Variants in LRBA observed in about 807,000 individuals in gnomAD.
LRBA encodes the protein LPS responsive beige-like anchor protein, also known as lipopolysaccharide-responsive and beige-like anchor protein.
Under a neutral mutation model 330.0 loss-of-function variants are expected in LRBA, and 176 were observed. That is an observed-to-expected ratio of 0.53 (90% CI 0.47 to 0.60). The LOEUF (loss-of-function observed/expected upper bound fraction) is 0.60, where lower values mean the gene tolerates loss of function less well. Ranked by LOEUF, LRBA falls within the 20% of genes least tolerant of loss-of-function variation. LRBA has a pLI of 0.00. For synonymous variants in LRBA, 1,230 were observed against 1,193.0 expected, an observed-to-expected ratio of 1.03 and a Z score of -0.64; for missense variants, 3,259 against 3,444.8, an observed-to-expected ratio of 0.95 and a Z score of 1.35.
Position 150,831,920 on chromosome 4 carries a change from A to G in LRBA, c.4626T>C (p.Val1542=). ...LALAVVYFIS[V]LMVSKYRDIL... is the part of the protein sequence containing the mutation. ...TGTCTCTGTACTTGGAGACCATAAG[A>G]ACAGAGATAAAGTATACTACTGCCA... is the stretch of plus-strand genomic sequence containing the variant. Residue 1542 remains valine (V), a synonymous_variant, in exon 29 of 57, where the codon GTT becomes GTC. Coordinates refer to ENST00000651943, the MANE Select transcript of LRBA (RefSeq NM_001364905.1). 1 of 1,601,094 alleles carries G rather than the reference A, an allele frequency of 6.2e-7. No individual in the cohort carries two copies. The highest frequency in any genetic ancestry group is 8.5e-7 in the Non-Finnish European group (1 of 1,172,936).
chr4:150,545,137 G>T (rs980095876), intron 40 of LRBA, among the ~76,000 whole-genome samples: 1 of 152,086 alleles, frequency 6.6e-6, no homozygotes, highest in Non-Finnish European at 1.5e-5. Flanking sequence ...CTTTAAAAAC[G>T]ATGAAGCATT....
chr4:150,599,124 G>C lies in LRBA; in HGVS notation c.5929C>G (p.Leu1977Val). The C allele has an allele frequency of 1.2e-6, 2 of 1,614,026 alleles. No homozygotes were observed. Among genetic ancestry groups the C allele is most frequent in the Non-Finnish European group, 1.7e-6 (2 of 1,179,936 alleles). ...AWGNSAVSRP[L>V]EFWRLDYWED... is the part of the protein sequence containing the mutation. ...CAGTAGTCAAGGCGCCAGAACTCAA[G>C]AGGACGACTACAATGAAACAGAGAA... Residue 1977 changes from leucine (L) to valine (V), a missense_variant, in exon 38 of 57, where the codon CTT (leucine) becomes GTT (valine). Leu to Val is a conservative substitution (Grantham distance 32, BLOSUM62 1). Transcript: ENST00000651943.
At chr4:150,855,177 G>C (rs1392173227) in intron 22 of LRBA, among the ~76,000 whole-genome samples, 5 of 152,252 alleles carry the variant, frequency 3.3e-5, no homozygotes, top group African/African-American at 1.2e-4. Context: ...AAAATTGCTT[G>C]AACCCAACCC....
intron 52 of LRBA, among the ~76,000 whole-genome samples, chr4:150,309,572 A>T (rs1025252236): frequency 6.6e-6 from 1 of 152,162 alleles, no homozygotes; most frequent in African/African-American, 2.4e-5. Context: ...AACGTTTCTC[A>T]ATTTCTTACA....
At chr4:150,550,401 C>T (rs1766437501) in intron 40 of LRBA, among the ~76,000 whole-genome samples, 1 of 151,962 alleles carries the variant, frequency 6.6e-6, no homozygotes, top group Non-Finnish European at 1.5e-5. Flanking sequence ...AGGAAAATTA[C>T]AAAATACAGC....
chr4:150,579,457 T>C (rs964614138), intron 40 of LRBA: 3 of 397,308 alleles, frequency 7.6e-6, no homozygotes, highest in African/African-American at 4.2e-5. Flanking sequence ...TTCTAATTAG[T>C]ACCACGGCCA....
intron 47 of LRBA, among the ~76,000 whole-genome samples, chr4:150,397,282 T>C (rs748886006): frequency 5.9e-5 from 9 of 151,784 alleles, no homozygotes; most frequent in Non-Finnish European, 1.0e-4. Context: ...AAGGTATTCA[T>C]TTTTTTCTTT....
At chr4:150,669,618 T>G (rs1351644244) in intron 37 of LRBA, among the ~76,000 whole-genome samples, 2 of 151,294 alleles carry the variant, frequency 1.3e-5, no homozygotes, top group Non-Finnish European at 2.9e-5. Flanking sequence ...CAGGCTGGAG[T>G]GCAATGACAC....
At chr4:150,446,407 A>AAGACACT (rs1338156151) in intron 44 of LRBA, among the ~76,000 whole-genome samples, 1 of 152,218 alleles carries the variant, frequency 6.6e-6, no homozygotes, top group African/African-American at 2.4e-5. Context: ...AGTGCAACAG[A>AAGACACT]AGACACTCTA....
intron 48 of LRBA, among the ~76,000 whole-genome samples, chr4:150,336,133 G>C (rs1407145071): frequency 6.6e-6 from 1 of 152,082 alleles, no homozygotes; most frequent in African/African-American, 2.4e-5. Flanking sequence ...GTGTCCTGGG[G>C]GTTTGTGGTA....
rs1371813112 is a variant in LRBA, at chr4:151,002,550, AG to A, written c.216+11876del. ...ATCACACTCCAGCCTGGGCAACAAGAGTGAAACTCCATCTCTCAGAAAAAAA... is the reference window on the plus strand; with the variant it reads ...ATCACACTCCAGCCTGGGCAACAAGATGAAACTCCATCTCTCAGAAAAAAA... On this transcript the variant is annotated intron_variant, in intron 2 of 56. Coordinates refer to ENST00000651943, the MANE Select transcript of LRBA (RefSeq NM_001364905.1). 2.0e-5 allele frequency among the ~76,000 whole-genome samples: 3 copies of A among 147,690 alleles called. No homozygotes were observed. In the East Asian group the frequency reaches 6.2e-4, roughly 30 times the overall value.
intron 2 of LRBA, among the ~76,000 whole-genome samples, chr4:150,975,787 A>G (rs1483747419): frequency 2.6e-5 from 4 of 152,146 alleles, no homozygotes; most frequent in African/African-American, 7.2e-5. Flanking sequence ...AGAAAGAGGT[A>G]AGATTGAAAA....
chr4:150,922,045 G>C (rs376049872), intron 4 of LRBA, among the ~76,000 whole-genome samples: 3 of 151,780 alleles, frequency 2.0e-5, no homozygotes, highest in Admixed American at 6.6e-5. Flanking sequence ...ATTTTTAGTA[G>C]AGACAGGGTT....
At chr4:150,556,997 C>T (rs1416751931) in intron 40 of LRBA, among the ~76,000 whole-genome samples, 4 of 152,128 alleles carry the variant, frequency 2.6e-5, no homozygotes, top group East Asian at 1.9e-4. Flanking sequence ...GTGTTTCACC[C>T]GGTACCCACA....
At chr4:150,769,504 C>T (rs771830398) in intron 34 of LRBA, among the ~76,000 whole-genome samples, 1 of 152,078 alleles carries the variant, frequency 6.6e-6, no homozygotes, top group Admixed American at 6.6e-5. Flanking sequence ...AAATTTGAAT[C>T]CAAAAGTGAG....
At chr4:150,952,437 ACAGT>A (rs952416340) in intron 2 of LRBA, among the ~76,000 whole-genome samples, 17 of 152,202 alleles carry the variant, frequency 1.1e-4, no homozygotes, top group African/African-American at 2.9e-4. Flanking sequence ...GGGAAATTAG[ACAGT>A]CAGTCTTTCA....
chr4:150,348,150 A>G (rs1736654221), intron 48 of LRBA, among the ~76,000 whole-genome samples: 1 of 152,174 alleles, frequency 6.6e-6, no homozygotes, highest in African/African-American at 2.4e-5. Flanking sequence ...AAACTTCCTT[A>G]AACAATCATT....
At chr4:150,522,781 A>T (rs1037456755) in intron 40 of LRBA, among the ~76,000 whole-genome samples, 4 of 152,208 alleles carry the variant, frequency 2.6e-5, no homozygotes, top group African/African-American at 9.6e-5. Context: ...ACAGAGTGCA[A>T]TAGCTGTGGA....
chr4:150,484,805 G>T (rs1315015335), intron 42 of LRBA, among the ~76,000 whole-genome samples: 2 of 151,586 alleles, frequency 1.3e-5, no homozygotes, highest in South Asian at 4.2e-4. Flanking sequence ...TCTACATTAG[G>T]CACTTCTTTA....
Sources: gnomAD v4.1 joint callset for allele counts (sites outside exome capture counted in the v4.1 genomes callset) on GRCh38, gnomAD v4.1.1 for gene constraint, MANE v1.5 for transcripts, NCBI Gene and HGNC (gene_info 2026-07-23, HGNC 2026-07-21) for gene names.